STX2: variants seen among roughly 807,000 people sequenced by gnomAD.
The protein encoded by STX2 is syntaxin-2.
Under a neutral mutation model 40.6 loss-of-function variants are expected in STX2, and 27 were observed. The observed-to-expected ratio is 0.66, with a 90% CI of 0.49 to 0.92. The LOEUF is 0.92. Among genes scored for constraint, STX2 ranks in the 40% least tolerant of loss-of-function variants. The pLI is 0.00. For synonymous variants in STX2, 123 were observed against 119.1 expected (o/e 1.03, Z -0.22); for missense variants, 328 against 366.1 (o/e 0.90, Z 0.85).
intron 1 of STX2, among the ~76,000 whole-genome samples, chr12:130,828,052 C>T (rs1446051498): frequency 6.6e-6 from 1 of 152,194 alleles, no homozygotes; most frequent in Non-Finnish European, 1.5e-5. Context: ...ATTAGCTTGT[C>T]TCAGTCTCTG....
At chr12:130,814,795 C>G (rs1431055664) in intron 3 of STX2, among the ~76,000 whole-genome samples, 3 of 152,020 alleles carry the variant, frequency 2.0e-5, no homozygotes, top group African/African-American at 7.2e-5. Context: ...CGCCACCACA[C>G]CCAGCTAATT....
Position 130,791,887 on chromosome 12 carries a change from T to C in STX2, c.*136A>G. 1.9e-6 allele frequency: 3 copies of C among 1,608,888 alleles called. No individual in the cohort carries two copies. Among genetic ancestry groups the C allele is most frequent in the Non-Finnish European group, 2.6e-6 (3 of 1,176,386 alleles). On this transcript the variant is annotated 3_prime_UTR_variant, in exon 11 of 11. Transcript: ENST00000392373. ...CTGAGTCTCAAGGATAAATGGCTCTTGGGATATGGTTGCTAGGACAATGTT... is the reference window on the plus strand; with the variant it reads ...CTGAGTCTCAAGGATAAATGGCTCTCGGGATATGGTTGCTAGGACAATGTT...
rs551275774 is a variant in STX2, at chr12:130,813,893, C to A, written c.206-862G>T. ...TGTTGTCGTTTTAGAGAGTCCTGCA[C>A]TTGCCTCTCTCACTCAATCTCACAC... On this transcript the variant is annotated intron_variant, in intron 3 of 10. Transcript: ENST00000392373. Among the ~76,000 whole-genome samples the A allele has an allele frequency of 5.3e-5, 8 of 152,334 alleles. No homozygotes were observed. In the East Asian group the frequency reaches 1.5e-3, roughly 29 times the overall value.
In STX2 at chr12:130,790,494, A is replaced by G. The variant is rs149273880; in HGVS notation, c.*1529T>C. ...CAGATGTCCGCTCACCAGTTCATAC[A>G]TTTTACAAGTCTAAAAATAAGTGAT... On this transcript the variant is annotated 3_prime_UTR_variant, in exon 11 of 11. Transcript: ENST00000392373. 1 of 152,210 alleles carries G rather than the reference A, an allele frequency of 6.6e-6. No individual in the cohort carries two copies. Among genetic ancestry groups the G allele is most frequent in the Non-Finnish European group, 1.5e-5 (1 of 68,026 alleles). The allele number at this position is 152,210 out of a possible 1,614,324, so 9.4% of individuals were successfully genotyped here. A position where few individuals can be genotyped will look rare whatever the true frequency, so the allele number is the denominator to read the frequency against.
intron 10 of STX2, among the ~76,000 whole-genome samples, chr12:130,795,641 G>A (rs1339390481): frequency 1.3e-5 from 2 of 152,334 alleles, no homozygotes; most frequent in African/African-American, 2.4e-5. Context: ...TCGGGAGGCT[G>A]AGGTAGGAGG....
At chr12:130,804,935 C>T (rs1444071904) in intron 6 of STX2, among the ~76,000 whole-genome samples, 1 of 151,544 alleles carries the variant, frequency 6.6e-6, no homozygotes, top group Admixed American at 6.6e-5. Context: ...GAGACTTAGG[C>T]GATCTGATCA....
chr12:130,823,072 C>G (rs1159596541), intron 2 of STX2, among the ~76,000 whole-genome samples: 1 of 152,090 alleles, frequency 6.6e-6, no homozygotes, highest in African/African-American at 2.4e-5. Context: ...GGAGCCAAGG[C>G]AGAAGGATCA....
At chr12:130,815,395 G>A (rs1304303450) in intron 3 of STX2, among the ~76,000 whole-genome samples, 1 of 152,156 alleles carries the variant, frequency 6.6e-6, no homozygotes, top group Admixed American at 6.5e-5. Context: ...GTGTTCGTGC[G>A]CGTGTGAGAT....
intron 1 of STX2, among the ~76,000 whole-genome samples, chr12:130,828,286 G>C (rs1952403690): frequency 6.6e-6 from 1 of 151,684 alleles, no homozygotes; most frequent in African/African-American, 2.4e-5. Context: ...AGTGTGCAGT[G>C]GCAGGATCTC....
At chr12:130,808,589 T>C (rs750133006) in intron 5 of STX2, 42 bp downstream of exon 5, 33 of 1,540,426 alleles carry the variant, frequency 2.1e-5, no homozygotes, top group Non-Finnish European at 2.9e-5. Context: ...AAAACACTTA[T>C]TCTGCGACAT....
intron 1 of STX2, among the ~76,000 whole-genome samples, chr12:130,829,163 T>A (rs1952457001): frequency 6.6e-6 from 1 of 152,160 alleles, no homozygotes; most frequent in Non-Finnish European, 1.5e-5. Flanking sequence ...ATGGTTATGG[T>A]CTCAGAGCTA....
At chr12:130,806,561 C>T (rs1951441454) in intron 6 of STX2, among the ~76,000 whole-genome samples, 1 of 152,230 alleles carries the variant, frequency 6.6e-6, no homozygotes, top group African/African-American at 2.4e-5. Flanking sequence ...GCCATCTCCA[C>T]TGCCACAGCC....
At chr12:130,818,185 A>AAAAAAAAAAAATATATATATATAT in intron 3 of STX2, among the ~76,000 whole-genome samples, 1 of 70,582 alleles carries the variant, frequency 1.4e-5, no homozygotes, top group African/African-American at 1.2e-4. Flanking sequence ...AAAAAAAAAA[A>AAAAAAAAAAAATATATATATATAT]ATATATATAT....
At chr12:130,808,515 A>G in intron 5 of STX2, 116 bp downstream of exon 5, 2 of 949,706 alleles carry the variant, frequency 2.1e-6, no homozygotes, top group Non-Finnish European at 3.2e-6. Flanking sequence ...TTTTGTGCAG[A>G]AATACTATGA....
intron 3 of STX2, among the ~76,000 whole-genome samples, chr12:130,818,185 A>AAAATATATATATATATATAT: frequency 4.8e-4 from 34 of 70,516 alleles, no homozygotes; most frequent in African/African-American, 7.1e-4. Context: ...AAAAAAAAAA[A>AAAATATATATATATATATAT]ATATATATAT....
In STX2 at chr12:130,791,634, C is replaced by A; in HGVS notation, c.*389G>T. 6.8e-6 allele frequency: 2 copies of A among 295,598 alleles called. No homozygotes were observed. Among genetic ancestry groups the A allele is most frequent in the East Asian group, 5.8e-5 (1 of 17,354 alleles). 18.3% of individuals were successfully genotyped at this position (295,598 alleles called of 1,614,324 possible). On this transcript the variant is annotated 3_prime_UTR_variant, in exon 11 of 11. Coordinates refer to ENST00000392373, the MANE Select transcript of STX2 (RefSeq NM_194356.4). ...TTAATATTAAAATGTTCAATATTTT[C>A]TTATTTCAAGGCCAGTGAGAGAAGT... is the stretch of plus-strand genomic sequence containing the variant.
intron 2 of STX2, among the ~76,000 whole-genome samples, chr12:130,824,846 G>T (rs1040397954): frequency 1.3e-5 from 2 of 152,080 alleles, no homozygotes; most frequent in African/African-American, 4.8e-5. Flanking sequence ...AAAATAAATT[G>T]ACTATTTAAC....
At chr12:130,828,693 T>C (rs931186667) in intron 1 of STX2, among the ~76,000 whole-genome samples, 3 of 150,762 alleles carry the variant, frequency 2.0e-5, no homozygotes, top group Admixed American at 1.3e-4. Context: ...GGTGAAACCC[T>C]GTCTCTACTA....
intron 1 of STX2, among the ~76,000 whole-genome samples, chr12:130,831,760 CT>C (rs1254636721): frequency 2.5e-4 from 38 of 151,318 alleles, no homozygotes; most frequent in Admixed American, 2.5e-3. Context: ...AAATGTTATA[CT>C]TTTTTATTTT....
Sources: gnomAD v4.1 joint callset for allele counts (sites outside exome capture counted in the v4.1 genomes callset) on GRCh38, gnomAD v4.1.1 for gene constraint, MANE v1.5 for transcripts, NCBI Gene and HGNC (gene_info 2026-07-23, HGNC 2026-07-21) for gene names.